The following CDH4 variants were observed in gnomAD, a reference collection of about 807,000 sequenced individuals.
CDH4 encodes the protein cadherin-4.
A neutral mutation model predicts 86.0 loss-of-function variants in CDH4; 33 were observed. The observed-to-expected ratio is 0.38, with a 90% CI of 0.29 to 0.51. The LOEUF (loss-of-function observed/expected upper bound fraction) is 0.51, where lower values mean the gene tolerates loss of function less well. Among genes scored for constraint, CDH4 ranks in the 20% least tolerant of loss-of-function variants. The pLI is 0.86. For missense variants in CDH4, 1,114 were observed against 1,307.4 expected (o/e 0.85, Z 2.28); for synonymous variants, 555 against 549.4 (o/e 1.01, Z -0.14).
intron 2 of CDH4, among the ~76,000 whole-genome samples, chr20:61,285,109 T>G (rs1372108199): frequency 2.6e-5 from 4 of 151,668 alleles, no homozygotes; most frequent in Non-Finnish European, 5.9e-5. Context: ...TTGTTTGTTT[T>G]CAGCACTTAG....
intron 2 of CDH4, among the ~76,000 whole-genome samples, chr20:61,720,010 G>A (rs552730897): frequency 3.3e-5 from 5 of 152,256 alleles, no homozygotes; most frequent in Admixed American, 6.5e-5. Context: ...GTGAGCGGGC[G>A]TCTTCCTTCT....
chr20:61,283,896 C>A (rs2084278762), intron 2 of CDH4, among the ~76,000 whole-genome samples: 1 of 152,200 alleles, frequency 6.6e-6, no homozygotes, highest in South Asian at 2.1e-4. Context: ...GCCACCCTGG[C>A]CCTAGTTCTG....
chr20:61,459,804 G>A (rs1200230267), intron 2 of CDH4, among the ~76,000 whole-genome samples: 4 of 151,962 alleles, frequency 2.6e-5, no homozygotes, highest in East Asian at 1.9e-4. Flanking sequence ...TCACATGAGC[G>A]CTTCGCAGCC....
At chr20:61,452,677 A>G (rs930861178) in intron 2 of CDH4, among the ~76,000 whole-genome samples, 6 of 152,236 alleles carry the variant, frequency 3.9e-5, no homozygotes, top group African/African-American at 9.6e-5. Flanking sequence ...AAGGCAGGGA[A>G]AGCAAGAGGT....
intron 2 of CDH4, among the ~76,000 whole-genome samples, chr20:61,350,773 C>G (rs529064712): frequency 1.3e-5 from 2 of 152,160 alleles, no homozygotes; most frequent in African/African-American, 4.8e-5. Flanking sequence ...GTGTTGTGAG[C>G]GGAAAATTGC....
At chr20:61,375,577 GTGGT>G (rs2084862974) in intron 2 of CDH4, among the ~76,000 whole-genome samples, 1 of 84,416 alleles carries the variant, frequency 1.2e-5, no homozygotes, top group African/African-American at 8.8e-5. Flanking sequence ...GGCGCTGGTG[GTGGT>G]CATAGCACTG....
intron 2 of CDH4, among the ~76,000 whole-genome samples, chr20:61,388,749 C>T (rs1253132437): frequency 6.6e-6 from 1 of 152,196 alleles, no homozygotes; most frequent in African/African-American, 2.4e-5. Context: ...TGTATGCGTG[C>T]GCAAATACAT....
chr20:61,890,046 G>C (rs968150197), intron 7 of CDH4, among the ~76,000 whole-genome samples: 10 of 150,490 alleles, frequency 6.6e-5, no homozygotes, highest in Non-Finnish European at 1.0e-4. Context: ...ATAGTTGGAT[G>C]ATGGATGGAT....
intron 7 of CDH4, among the ~76,000 whole-genome samples, chr20:61,878,373 A>T (rs1357741140): frequency 6.6e-6 from 1 of 152,206 alleles, no homozygotes; most frequent in Non-Finnish European, 1.5e-5. Flanking sequence ...AGCTGGCTCC[A>T]TTTGGGTACA....
intron 2 of CDH4, among the ~76,000 whole-genome samples, chr20:61,282,575 GTCTA>G (rs1476206443): frequency 1.5e-4 from 23 of 151,616 alleles, no homozygotes; most frequent in African/African-American, 4.4e-4. Context: ...GTGTGTGTAT[GTCTA>G]TCTGTACTTG....
At chr20:61,651,868 C>T (rs2087124880) in intron 2 of CDH4, among the ~76,000 whole-genome samples, 1 of 152,174 alleles carries the variant, frequency 6.6e-6, no homozygotes, top group Non-Finnish European at 1.5e-5. Context: ...GGTGGGAAGC[C>T]ATCGGGGCTG....
chr20:61,645,516 C>A (rs1238041197), intron 2 of CDH4, among the ~76,000 whole-genome samples: 1 of 151,880 alleles, frequency 6.6e-6, no homozygotes, highest in Non-Finnish European at 1.5e-5. Flanking sequence ...CCTGTGGTCC[C>A]AGCTACTCAG....
At chr20:61,770,112 G>A (rs1033390021) in intron 3 of CDH4, among the ~76,000 whole-genome samples, 2 of 152,132 alleles carry the variant, frequency 1.3e-5, no homozygotes, top group Admixed American at 6.5e-5. Flanking sequence ...GGACTGTCCT[G>A]GAAGCTCTTT....
chr20:61,741,263 C>A (rs538019041), intron 2 of CDH4, among the ~76,000 whole-genome samples: 1 of 152,158 alleles, frequency 6.6e-6, no homozygotes, highest in African/African-American at 2.4e-5. Flanking sequence ...GGCCCTGGTG[C>A]GGTCCCCCGG....
In CDH4 at chr20:61,701,380, CAG is replaced by C. The variant is rs1415636963; in HGVS notation, c.170-42182_170-42181del. Among the ~76,000 whole-genome samples, 8 of 152,318 alleles carry C rather than the reference CAG, an allele frequency of 5.3e-5. No homozygotes were observed. In the South Asian group the frequency reaches 1.7e-3, roughly 32 times the overall value. On this transcript the variant is annotated intron_variant, in intron 2 of 15. Coordinates refer to ENST00000614565, the MANE Select transcript of CDH4 (RefSeq NM_001794.5). ...CCATAACAAGCGAGTGAATGGATGT[CAG>C]GGTCGTGGCTGTGAGATTCCCCACG...
At chr20:61,395,086 T>A (rs2085009453) in intron 2 of CDH4, among the ~76,000 whole-genome samples, 1 of 151,416 alleles carries the variant, frequency 6.6e-6, no homozygotes, top group East Asian at 2.0e-4. Context: ...GACAGGACAC[T>A]GGGCAGGACG....
At chr20:61,830,820 G>C (rs1265616451) in intron 4 of CDH4, among the ~76,000 whole-genome samples, 1 of 152,234 alleles carries the variant, frequency 6.6e-6, no homozygotes, top group Non-Finnish European at 1.5e-5. Flanking sequence ...CTTGCTCTTG[G>C]TCGCACGTGC....
At chr20:61,860,328 G>A (rs1409203479) in intron 6 of CDH4, among the ~76,000 whole-genome samples, 1 of 152,218 alleles carries the variant, frequency 6.6e-6, no homozygotes, top group Non-Finnish European at 1.5e-5. Flanking sequence ...CACCCTGCTG[G>A]TCTGCCTGGC....
intron 2 of CDH4, among the ~76,000 whole-genome samples, chr20:61,620,316 GTAGA>G (rs1198389675): frequency 1.3e-3 from 189 of 150,558 alleles, no homozygotes; most frequent in African/African-American, 4.2e-3. Flanking sequence ...AGATAGGTAG[GTAGA>G]TGGATGGATG....
Sources: allele counts gnomAD v4.1 joint callset (sites outside exome capture counted in the v4.1 genomes callset), GRCh38; gene constraint gnomAD v4.1.1; transcripts MANE v1.5; gene names NCBI Gene and HGNC (gene_info 2026-07-23, HGNC 2026-07-21).